Variants in GALNT10 observed in about 807,000 individuals in gnomAD.
The protein encoded by GALNT10 is polypeptide N-acetylgalactosaminyltransferase 10.
GALNT10 carries 41 observed loss-of-function variants against 75.0 expected under a neutral mutation model. The observed-to-expected ratio is 0.55, with a 90% CI of 0.43 to 0.71. The LOEUF is 0.71. GALNT10 is among the 30% of genes least tolerant of loss of function. The probability of loss-of-function intolerance (pLI) is 0.00; values close to 1 mark genes in which losing one functional copy is unlikely to be tolerated. For synonymous variants in GALNT10, 302 were observed against 313.0 expected, an observed-to-expected ratio of 0.96 and a Z score of 0.37; for missense variants, 727 against 818.5, an observed-to-expected ratio of 0.89 and a Z score of 1.36.
At chr5:154,355,481 T>C (rs1464173976) in intron 4 of GALNT10, among the ~76,000 whole-genome samples, 1 of 152,100 alleles carries the variant, frequency 6.6e-6, no homozygotes, top group Non-Finnish European at 1.5e-5. Flanking sequence ...TGGCCCTGCC[T>C]CTCAAGCTCA....
chr5:154,248,986 G>A (rs1753474544), intron 1 of GALNT10, among the ~76,000 whole-genome samples: 1 of 152,228 alleles, frequency 6.6e-6, no homozygotes, highest in African/African-American at 2.4e-5. Flanking sequence ...GGCTAAGAAT[G>A]GTTTTGAAAG....
chr5:154,409,540 G>C lies in GALNT10; in HGVS notation c.1165-1G>C. ...CCCCTCCATTGCTTCTTGCCCCATAGAACCTTAAGCGGGTGGCCGAAGTGT... is the reference window on the plus strand; with the variant it reads ...CCCCTCCATTGCTTCTTGCCCCATACAACCTTAAGCGGGTGGCCGAAGTGT... On this transcript the variant is annotated splice_acceptor_variant, in intron 8 of 11. Transcript: ENST00000297107. LOFTEE classifies it high-confidence loss of function. This position sits in a 1 kb window ranked among gnomAD's most constrained non-coding sequence, Gnocchi z 4.5. 1 of 1,608,068 alleles carries C rather than the reference G, an allele frequency of 6.2e-7. No individual in the cohort carries two copies. The highest frequency in any genetic ancestry group is 2.2e-5 in the East Asian group (1 of 44,862).
At chr5:154,272,812 G>C (rs1291504202) in intron 1 of GALNT10, among the ~76,000 whole-genome samples, 1 of 152,164 alleles carries the variant, frequency 6.6e-6, no homozygotes, top group East Asian at 1.9e-4. Context: ...CTTCTCTATG[G>C]GAGAAAGAGG....
At position 154,236,331 on chromosome 5, in the gene GALNT10, A is replaced by G. The variant is rs554231362; in HGVS notation, c.159+45306A>G. Among the ~76,000 whole-genome samples, 18 of 152,322 alleles carry G rather than the reference A, an allele frequency of 1.2e-4. No homozygotes were observed. In the South Asian group the frequency reaches 3.7e-3, roughly 32 times the overall value. On this transcript the variant is annotated intron_variant, in intron 1 of 11. Transcript: ENST00000297107. ...AATGCCCAGCTCAGTGCCTGACCCA[A>G]TGCATCTTAGCTGTCATTGTTACTG... is the stretch of plus-strand genomic sequence containing the variant.
intron 4 of GALNT10, among the ~76,000 whole-genome samples, chr5:154,361,076 T>A (rs1755379190): frequency 1.3e-5 from 2 of 152,150 alleles, no homozygotes; most frequent in African/African-American, 4.8e-5. Flanking sequence ...TCAGATGTTT[T>A]AAAACTCTGT....
intron 10 of GALNT10, 88 bp downstream of exon 10, chr5:154,413,093 G>A (rs186546418): frequency 2.5e-6 from 2 of 797,492 alleles, no homozygotes; most frequent in Non-Finnish European, 4.2e-6. Flanking sequence ...GGAGGGAGAG[G>A]CATGGGTCAG....
chr5:154,261,961 G>A (rs1354540888), intron 1 of GALNT10, among the ~76,000 whole-genome samples: 2 of 152,122 alleles, frequency 1.3e-5, no homozygotes, highest in Non-Finnish European at 2.9e-5. Context: ...TGCCCTATTT[G>A]GGGATGAAGG....
rs940904774 is a variant in GALNT10, at chr5:154,417,751, G to A, written c.*779G>A. ...AGGACAGCCCAGCACCAGCTTTACA[G>A]GGCAGTGTTTCAGATGGCCCTGAGC... On this transcript the variant is annotated 3_prime_UTR_variant, in exon 12 of 12. Transcript: ENST00000297107. The A allele has an allele frequency of 2.0e-5, 3 of 152,254 alleles. No individual in the cohort carries two copies. The highest frequency in any genetic ancestry group is 4.4e-5 in the Non-Finnish European group (3 of 68,074). 9.4% of individuals were successfully genotyped at this position (152,254 alleles called of 1,614,324 possible). A position where few individuals can be genotyped will look rare whatever the true frequency, so the allele number is the denominator to read the frequency against.
At chr5:154,236,293 A>G (rs1386438217) in intron 1 of GALNT10, among the ~76,000 whole-genome samples, 1 of 152,202 alleles carries the variant, frequency 6.6e-6, no homozygotes, top group Admixed American at 6.5e-5. Context: ...ATTCCGTGAG[A>G]TAATCCATGT....
chr5:154,217,720 C>T (rs953145150), intron 1 of GALNT10, among the ~76,000 whole-genome samples: 29 of 152,028 alleles, frequency 1.9e-4, no homozygotes, highest in Non-Finnish European at 8.8e-5. Context: ...CAGCGCAGGC[C>T]CTGCAGTAAG....
intron 4 of GALNT10, among the ~76,000 whole-genome samples, chr5:154,344,452 C>T (rs1407070645): frequency 6.6e-6 from 1 of 152,038 alleles, no homozygotes; most frequent in Admixed American, 6.5e-5. Flanking sequence ...CCTTGTGATC[C>T]GCCCACCTTG....
intron 1 of GALNT10, among the ~76,000 whole-genome samples, chr5:154,290,258 A>AT (rs71577131): frequency 0.018 from 1,779 of 98,850 alleles, 29 homozygotes; most frequent in African/African-American, 0.027. Context: ...CACTCAGCTA[A>AT]TTTTTTTTTT....
At chr5:154,339,345 G>A (rs547053542) in intron 4 of GALNT10, among the ~76,000 whole-genome samples, 1 of 152,194 alleles carries the variant, frequency 6.6e-6, no homozygotes, top group African/African-American at 2.4e-5. Context: ...CATCCTAAAC[G>A]CTTCTCCCTC....
At position 154,190,918 on chromosome 5, in the gene GALNT10, G is replaced by T; in HGVS notation, c.52G>T (p.Ala18Ser). 6.7e-7 allele frequency: 1 copy of T among 1,497,648 alleles called. No individual in the cohort carries two copies. The highest frequency in any genetic ancestry group is 8.9e-7 in the Non-Finnish European group (1 of 1,124,710). 92.8% of individuals were successfully genotyped at this position (1,497,648 alleles called of 1,614,324 possible). The change falls in exon 1 of 12, where the codon GCC (alanine) becomes TCC (serine). Residue 18 changes from alanine (A) to serine (S), a missense_variant. Coordinates refer to ENST00000297107, the MANE Select transcript of GALNT10 (RefSeq NM_198321.4). ...GCAGGCGGTGGCGCTGGTGCTGGCG[G>T]CCCTGGTCCTCCTGCCCAACGTGGG... ...LLQAVALVLA[A>S]LVLLPNVGLW...
chr5:154,294,993 T>C, intron 2 of GALNT10, 75 bp downstream of exon 2: 1 of 721,672 alleles, frequency 1.4e-6, no homozygotes, highest in Non-Finnish European at 2.5e-6. Context: ...TGTGTGTGTG[T>C]GTGTGTGTGT....
chr5:154,408,795 C>T (rs1756336040), intron 8 of GALNT10, among the ~76,000 whole-genome samples: 1 of 152,086 alleles, frequency 6.6e-6, no homozygotes. Context: ...TCAAAACTCT[C>T]AGTTGAAAAT....
intron 1 of GALNT10, among the ~76,000 whole-genome samples, chr5:154,213,282 T>C (rs1445234946): frequency 1.3e-5 from 2 of 152,200 alleles, no homozygotes; most frequent in Non-Finnish European, 2.9e-5. Context: ...TCTTCATTTG[T>C]AGGGATTAAG....
At chr5:154,237,046 T>C (rs962412380) in intron 1 of GALNT10, among the ~76,000 whole-genome samples, 9 of 152,204 alleles carry the variant, frequency 5.9e-5, no homozygotes, top group African/African-American at 1.9e-4. Context: ...TTGGCAAAGA[T>C]AGAGCTAGGA....
chr5:154,315,350 G>A (rs2113100511), intron 3 of GALNT10, among the ~76,000 whole-genome samples: 1 of 152,318 alleles, frequency 6.6e-6, no homozygotes, highest in South Asian at 2.1e-4. Flanking sequence ...GCCCCGCAGG[G>A]GAAGGAGGTG....
Sources: gnomAD v4.1 joint callset for allele counts (sites outside exome capture counted in the v4.1 genomes callset) on GRCh38, gnomAD v4.1.1 for gene constraint, Gnocchi (gnomAD v3.1) non-coding constraint, MANE v1.5 for transcripts, NCBI Gene and HGNC (gene_info 2026-07-23, HGNC 2026-07-21) for gene names.